The following PNPLA7 variants were observed in gnomAD, a reference collection of about 807,000 sequenced individuals.
The protein encoded by PNPLA7 is patatin like domain 7, lysophospholipase.
Under a neutral mutation model 161.7 loss-of-function variants are expected in PNPLA7, and 153 were observed. The observed-to-expected ratio is 0.95, with a 90% CI of 0.83 to 1.08. The LOEUF is 1.08. Ranked by LOEUF, PNPLA7 falls within the 50% of genes least tolerant of loss-of-function variation. The pLI is 0.00. For missense variants in PNPLA7, 1,739 were observed against 1,856.6 expected, an observed-to-expected ratio of 0.94 and a Z score of 1.16; for synonymous variants, 809 against 782.1, an observed-to-expected ratio of 1.03 and a Z score of -0.57.
intron 20 of PNPLA7, chr9:137,491,554 G>A (rs917469146): frequency 1.0e-6 from 1 of 985,310 alleles, no homozygotes; most frequent in African/African-American, 1.7e-5. Context: ...GCAGGTAAGT[G>A]GAGAGTGAAG....
chr9:137,473,573 G>A lies in PNPLA7; in HGVS notation c.2882+4461C>T, dbSNP rs149858822. 9.2e-5 allele frequency among the ~76,000 whole-genome samples: 14 copies of A among 152,230 alleles called. No homozygotes were observed. In the East Asian group the frequency reaches 1.2e-3, roughly 13 times the overall value. ...TAATAAATGTATCTACAAAAGACTCGTGTTCAGAATAAAGAACTCCTTCGA... is the reference window on the plus strand; with the variant it reads ...TAATAAATGTATCTACAAAAGACTCATGTTCAGAATAAAGAACTCCTTCGA... On this transcript the variant is annotated intron_variant, in intron 25 of 34. Transcript: ENST00000406427.
intron 16 of PNPLA7, among the ~76,000 whole-genome samples, chr9:137,498,663 G>T (rs1157624095): frequency 1.3e-5 from 2 of 152,236 alleles, no homozygotes; most frequent in African/African-American, 4.8e-5. Context: ...ATGGGGCCTG[G>T]ATAGCACAGG....
chr9:137,547,192 G>T lies in PNPLA7; in HGVS notation c.193+117C>A. ...CAGCCTGAGCCCAGACGGGCCATCA[G>T]ATTCTAGCCAAAGCCACCATGCGCT... is the stretch of plus-strand genomic sequence containing the variant. On this transcript the variant is annotated intron_variant, in intron 3 of 34. Transcript: ENST00000406427. The surrounding 1 kb of genome is among the most constrained non-coding windows in gnomAD (Gnocchi z 4.6). The T allele has an allele frequency of 9.5e-7, 1 of 1,053,964 alleles. No homozygotes were observed. Among genetic ancestry groups the T allele is most frequent in the Non-Finnish European group, 1.4e-6 (1 of 691,496 alleles). 65.3% of individuals were successfully genotyped at this position (1,053,964 alleles called of 1,614,324 possible).
At chr9:137,484,802 T>C in intron 20 of PNPLA7, 66 bp from the exon 21 acceptor site, 1 of 1,492,202 alleles carries the variant, frequency 6.7e-7, no homozygotes, top group Admixed American at 2.1e-5. Flanking sequence ...CCAGATGCCC[T>C]GGGGCCCCCC....
intron 4 of PNPLA7, among the ~76,000 whole-genome samples, chr9:137,546,571 G>C (rs1451736648): frequency 6.6e-6 from 1 of 152,180 alleles, no homozygotes; most frequent in Admixed American, 6.5e-5. Flanking sequence ...TCCAGGCCAG[G>C]GGGAGTAGAG....
rs1478645398 is a variant in PNPLA7, at chr9:137,460,124, C to T, written c.*269G>A. On this transcript the variant is annotated 3_prime_UTR_variant, in exon 35 of 35. Transcript: ENST00000406427. ...GGGGGCCTCACAGGGCTTCGGGGGG[C>T]CTCACAGGGCTGCAGGGGGTTCACA... 9 of 374,222 alleles carry T rather than the reference C, an allele frequency of 2.4e-5. No homozygotes were observed. The highest frequency in any genetic ancestry group is 1.9e-4 in the African/African-American group (9 of 47,796). The allele number at this position is 374,222 out of a possible 1,614,324, so 23.2% of individuals were successfully genotyped here.
chr9:137,469,590 T>C (rs891022090), intron 25 of PNPLA7, among the ~76,000 whole-genome samples: 1 of 152,106 alleles, frequency 6.6e-6, no homozygotes, highest in African/African-American at 2.4e-5. Context: ...TGTGAGAGAG[T>C]ATATATTTAC....
At chr9:137,472,811 C>T (rs768826405) in intron 25 of PNPLA7, among the ~76,000 whole-genome samples, 13 of 150,396 alleles carry the variant, frequency 8.6e-5, no homozygotes, top group South Asian at 2.1e-4. Context: ...AAAAATTAGC[C>T]GCGTGTGGTG....
In PNPLA7 at chr9:137,523,838, G is replaced by A. The variant is rs910724461; in HGVS notation, c.748-981C>T. 6.6e-6 allele frequency among the ~76,000 whole-genome samples: 1 copy of A among 152,042 alleles called. No individual in the cohort carries two copies. On this transcript the variant is annotated intron_variant, in intron 8 of 34. Transcript: ENST00000406427. This position sits in a 1 kb window ranked among gnomAD's most constrained non-coding sequence, Gnocchi z 4.4. ...GTAGAGACAGGGTTTCACTGTGTTA[G>A]CCAGGAGGGTCTCGATCTCCTGACC...
Position 137,515,513 on chromosome 9 carries a change from C to A in PNPLA7, c.1091G>T (p.Gly364Val). The A allele has an allele frequency of 1.3e-6, 2 of 1,552,612 alleles. No homozygotes were observed. Among genetic ancestry groups the A allele is most frequent in the Non-Finnish European group, 1.7e-6 (2 of 1,152,026 alleles). ...CCCAGCAGCTGCCGGGCGGCCGCCC[C>A]CGTGATCTGCTGGGGAGGCAGCCGT... ...RLQESCDSDH[G>V]GGRPAAAGPL... Residue 364 changes from glycine to valine, a missense_variant, in exon 12 of 35, where the codon GGG (glycine) becomes GTG (valine). Physicochemically the swap from Gly to Val is moderately radical, Grantham distance 109. Around this residue, in one of 6 missense-constraint regions of PNPLA7, gnomAD observed 481 missense variants for 450.0 expected, o/e 1.07. Transcript: ENST00000406427.
rs1831197000 is a variant in PNPLA7, at chr9:137,461,551, G to T, written c.3826C>A (p.Pro1276Thr). 1.2e-6 allele frequency: 2 copies of T among 1,612,264 alleles called. No homozygotes were observed. Among genetic ancestry groups the T allele is most frequent in the Admixed American group, 3.3e-5 (2 of 59,902 alleles). The change falls in exon 33 of 35, where the codon CCC (proline) becomes ACC (threonine). Residue 1276 changes from proline to threonine, a missense_variant. By Grantham distance (38) the Pro-to-Thr change is conservative (BLOSUM62 -1). This residue lies in a region of PNPLA7 where 703 missense variants were observed against 694.6 expected (regional missense o/e 1.01). Coordinates refer to ENST00000406427, the MANE Select transcript of PNPLA7 (RefSeq NM_001098537.3). The stretch of plus-strand genomic sequence containing the variant: ...CTCCACTCACCATCCACCATGGCGG[G>T]CTTGGCGGGCTCAATGCGAGACACA... The part of the protein sequence containing the change: ...EIVSRIEPAK[P>T]AMVDDESDYQ...
rs566674045 is a variant in PNPLA7 at position 137,498,131 on chromosome 9, G to A, written c.1872C>T (p.Ala624=). ...GGCCTCACCTGTATATTGCTCGCCC[G>A]GCCTCCACCTCCACCCAGTCCAGGG... The part of the protein sequence containing the change: ...DFALDWVEVE[A]GRAIYRQGDK... The change falls in exon 17 of 35, where the codon GCC becomes GCT. Residue 624 remains alanine (A), a synonymous_variant. Coordinates refer to ENST00000406427, the MANE Select transcript of PNPLA7 (RefSeq NM_001098537.3). The A allele has an allele frequency of 1.4e-4, 231 of 1,612,884 alleles. No individual in the cohort carries two copies. Among genetic ancestry groups the A allele is most frequent in the Non-Finnish European group, 1.9e-4 (219 of 1,179,958 alleles).
In PNPLA7 at chr9:137,543,026, G is replaced by C. The variant is rs928643289; in HGVS notation, c.507-225C>G. Among the ~76,000 whole-genome samples the C allele has an allele frequency of 6.6e-6, 1 of 152,132 alleles. No homozygotes were observed. Among genetic ancestry groups the C allele is most frequent in the African/African-American group, 2.4e-5 (1 of 41,428 alleles). On this transcript the variant is annotated intron_variant, in intron 6 of 34. Coordinates refer to ENST00000406427, the MANE Select transcript of PNPLA7 (RefSeq NM_001098537.3). The surrounding 1 kb of genome is among the most constrained non-coding windows in gnomAD (Gnocchi z 6.9). ...ATCACCTCAGAGAACTTCTTGACCC[G>C]TGAACCTGAGCCACACACACACGGG...
intron 7 of PNPLA7, 39 bp downstream of exon 7, chr9:137,542,603 C>A: frequency 6.6e-7 from 1 of 1,509,382 alleles, no homozygotes. Context: ...GAGGTAAATG[C>A]GCAGCCGCCT....
intron 4 of PNPLA7, among the ~76,000 whole-genome samples, chr9:137,545,386 C>G (rs976914829): frequency 1.3e-5 from 2 of 152,212 alleles, no homozygotes; most frequent in South Asian, 4.1e-4. Flanking sequence ...CCAAGCTTGG[C>G]AGCAGAGTCA....
intron 20 of PNPLA7, among the ~76,000 whole-genome samples, chr9:137,487,168 C>T (rs1048291214): frequency 6.6e-6 from 1 of 152,250 alleles, no homozygotes; most frequent in Non-Finnish European, 1.5e-5. Flanking sequence ...GTGCTGCGCA[C>T]CGGCTGCCAA....
chr9:137,537,895 C>T lies in PNPLA7; in HGVS notation c.747+2747G>A, dbSNP rs556626010. 2.2e-4 allele frequency among the ~76,000 whole-genome samples: 33 copies of T among 152,282 alleles called. No individual in the cohort carries two copies. The highest frequency in any genetic ancestry group is 7.2e-4 in the African/African-American group (30 of 41,548). On this transcript the variant is annotated intron_variant, in intron 8 of 34. Transcript: ENST00000406427. This position sits in a 1 kb window ranked among gnomAD's most constrained non-coding sequence, Gnocchi z 4.5. ...AAGCTATTTTTTGCTTAAAGAGAAA[C>T]GAATCATCCAAGGTAGGTCGCATAC...
chr9:137,503,846 A>G (rs1304346579), intron 14 of PNPLA7, among the ~76,000 whole-genome samples: 1 of 140,960 alleles, frequency 7.1e-6, no homozygotes, highest in Non-Finnish European at 1.5e-5. Context: ...CAAGAAGAAG[A>G]AGGAAGAAGA....
At chr9:137,479,468 C>T (rs1030741045) in intron 23 of PNPLA7, 12 of 1,229,556 alleles carry the variant, frequency 9.8e-6, no homozygotes, top group South Asian at 3.9e-5. Context: ...AGGAGGGGGA[C>T]GCCTCCTCTT....
Sources: gnomAD v4.1 joint callset for allele counts (sites outside exome capture counted in the v4.1 genomes callset) on GRCh38, gnomAD v4.1.1 for gene constraint, gnomAD v4.1.1 regional missense constraint, Gnocchi (gnomAD v3.1) non-coding constraint, MANE v1.5 for transcripts, NCBI Gene and HGNC (gene_info 2026-07-23, HGNC 2026-07-21) for gene names.